HPX: variants seen among roughly 807,000 people sequenced by gnomAD.
HPX encodes beta-1B-glycoprotein.
A neutral mutation model predicts 53.8 loss-of-function variants in HPX; 42 were observed. That is an observed-to-expected ratio of 0.78 (90% CI 0.61 to 1.01). The LOEUF is 1.01. HPX is among the 50% of genes least tolerant of loss of function. The pLI is 0.00. For missense variants in HPX, 547 were observed against 594.3 expected (o/e 0.92, Z 0.83); for synonymous variants, 229 against 221.1 (o/e 1.04, Z -0.32).
At chr11:6,435,358 T>C (rs918478422) in intron 7 of HPX, among the ~76,000 whole-genome samples, 1 of 152,132 alleles carries the variant, frequency 6.6e-6, no homozygotes, top group African/African-American at 2.4e-5. Flanking sequence ...CCCCATGCTG[T>C]AGCTGGGTCA....
In HPX at chr11:6,440,266, G is replaced by T; in HGVS notation, c.235C>A (p.His79Asn). ...FFKGEFVWKS[H>N]KWDRELISER... ...GAGATTAACTCCCGGTCCCATTTGT[G>T]ACTCTTCCACACAAACTCCCCTGAA... Residue 79 changes from histidine (H) to asparagine (N), a missense_variant, in exon 4 of 10, where the codon CAC becomes AAC. Transcript: ENST00000265983. 1 of 1,613,902 alleles carries T rather than the reference G, an allele frequency of 6.2e-7. No individual in the cohort carries two copies. Among genetic ancestry groups the T allele is most frequent in the Non-Finnish European group, 8.5e-7 (1 of 1,180,008 alleles).
chr11:6,440,307 T>G, intron 3 of HPX, 21 bp from the exon 4 acceptor site: 1 of 1,613,494 alleles, frequency 6.2e-7, no homozygotes, highest in Non-Finnish European at 8.5e-7. Context: ...CCACACTCAC[T>G]GAGGGGCCCA....
At chr11:6,432,293 C>T in intron 7 of HPX, 2 of 478,770 alleles carry the variant, frequency 4.2e-6, no homozygotes, top group Non-Finnish European at 7.6e-6. Context: ...ATGGGGTTGG[C>T]GGGCACTCCC....
At position 6,437,610 on chromosome 11, in the gene HPX, T is replaced by C. The variant is rs1439717906; in HGVS notation, c.533A>G (p.Lys178Arg). ...CCCAACAGCTGGCCAGGAACGCTCCTTCATGGTTCCCGTAGCCAAGTCCCA... is the reference window on the plus strand; with the variant it reads ...CCCAACAGCTGGCCAGGAACGCTCCCTCATGGTTCCCGTAGCCAAGTCCCA... ...WFWDLATGTM[K>R]ERSWPAVGNC... The change falls in exon 6 of 10, where the codon AAG (lysine) becomes AGG (arginine). Residue 178 changes from lysine to arginine, a missense_variant. Lys to Arg is a conservative substitution (Grantham distance 26). Transcript: ENST00000265983. 3.1e-6 allele frequency: 5 copies of C among 1,614,070 alleles called. 1 individual carries two copies. The South Asian group carries it at 4.4e-5, about 14-fold the overall frequency.
chr11:6,432,271 A>G (rs1849361126), intron 7 of HPX: 1 of 532,870 alleles, frequency 1.9e-6, no homozygotes, highest in African/African-American at 1.9e-5. Flanking sequence ...GTTTCCAGGT[A>G]AGGCCAACAT....
chr11:6,432,151 G>T, intron 7 of HPX, 134 bp from the exon 8 acceptor site: 1 of 966,366 alleles, frequency 1.0e-6, no homozygotes, highest in Non-Finnish European at 1.6e-6. Context: ...GGCCAGGTGA[G>T]AAGGAGAAAT....
chr11:6,438,458 T>G lies in HPX; in HGVS notation c.388A>C (p.Lys130Gln), dbSNP rs1189869882. The change falls in exon 5 of 10, where the codon AAG becomes CAG. Residue 130 changes from lysine to glutamine, a missense_variant. Transcript: ENST00000265983. The stretch of plus-strand genomic sequence containing the variant: ...CCAGGAAATTCATCTTGGAGCAACT[T>G]TGGGTATCCTTTCTCCTTCTTTTCA... ...PPEKKEKGYP[K>Q]LLQDEFPGIP... The G allele has an allele frequency of 6.2e-7, 1 of 1,614,104 alleles. No individual in the cohort carries two copies. Among genetic ancestry groups the G allele is most frequent in the East Asian group, 2.2e-5 (1 of 44,888 alleles).
intron 5 of HPX, 113 bp from the exon 6 acceptor site, chr11:6,437,765 G>A (rs1590805403): frequency 2.6e-6 from 2 of 761,696 alleles, no homozygotes; most frequent in East Asian, 5.3e-5. Context: ...GGAGCTCACA[G>A]CCATCAGAGA....
intron 7 of HPX, among the ~76,000 whole-genome samples, chr11:6,434,210 C>T (rs1202849466): frequency 6.6e-6 from 1 of 152,206 alleles, no homozygotes; most frequent in African/African-American, 2.4e-5. Context: ...AGTGTTCTTG[C>T]TGCTACCACA....
At chr11:6,440,047 T>A (rs2682099) in intron 4 of HPX, 118 bp downstream of exon 4, 341,082 of 1,333,032 alleles carry the variant, frequency 0.26, 44,857 homozygotes, top group Admixed American at 0.32. Flanking sequence ...GGAGGGCACA[T>A]GGGAAAGAAA....
At chr11:6,438,980 G>T (rs1849452236) in intron 4 of HPX, among the ~76,000 whole-genome samples, 1 of 152,186 alleles carries the variant, frequency 6.6e-6, no homozygotes, top group Non-Finnish European at 1.5e-5. Context: ...AAGCAGAAAG[G>T]ACTCCTGCAA....
chr11:6,432,708 T>C (rs1057020201), intron 7 of HPX, among the ~76,000 whole-genome samples: 1 of 152,210 alleles, frequency 6.6e-6, no homozygotes, highest in African/African-American at 2.4e-5. Flanking sequence ...CTCCTTTAAA[T>C]GTCTTTTTTT....
chr11:6,440,859 T>C (rs1335688083), intron 1 of HPX, 22 bp downstream of exon 1: 2 of 1,611,626 alleles, frequency 1.2e-6, no homozygotes, highest in Admixed American at 3.3e-5. Flanking sequence ...AATCCTTCGC[T>C]TCTAGTCCCA....
rs1284598447 is a variant in HPX, at chr11:6,438,228, C to T, written c.490+128G>A. On this transcript the variant is annotated intron_variant, in intron 5 of 9. Transcript: ENST00000265983. ...GACCTCTAGACCATACGTGGCTTCTCTATTTCCCTTCCTTAAAAAGCCACA... is the reference window on the plus strand; with the variant it reads ...GACCTCTAGACCATACGTGGCTTCTTTATTTCCCTTCCTTAAAAAGCCACA... 5 of 963,658 alleles carry T rather than the reference C, an allele frequency of 5.2e-6. No individual in the cohort carries two copies. The Admixed American group carries it at 1.1e-4, about 21-fold the overall frequency. 59.7% of individuals were successfully genotyped at this position (963,658 alleles called of 1,614,324 possible).
At position 6,440,626 on chromosome 11, in the gene HPX, G is replaced by C. The variant is rs780411861; in HGVS notation, c.142+46C>G. The C allele has an allele frequency of 5.3e-6, 6 of 1,136,872 alleles. No individual in the cohort carries two copies. The Admixed American group carries it at 7.8e-5, about 15-fold the overall frequency. The allele number at this position is 1,136,872 out of a possible 1,614,324, so 70.4% of individuals were successfully genotyped here. A position where few individuals can be genotyped will look rare whatever the true frequency, so the allele number is the denominator to read the frequency against. ...AAACCAGAAGGTGATAAAATGCAGA[G>C]ACACAACCAGACAGATAAGACAGAC... is the stretch of plus-strand genomic sequence containing the variant. On this transcript the variant is annotated intron_variant, in intron 2 of 9. Transcript: ENST00000265983.
At chr11:6,434,569 GAT>G (rs924404202) in intron 7 of HPX, among the ~76,000 whole-genome samples, 3 of 152,058 alleles carry the variant, frequency 2.0e-5, no homozygotes, top group African/African-American at 7.2e-5. Context: ...GGACTCAAGT[GAT>G]CTGCCCCCCT....
rs1849465465 is a variant in HPX at position 6,440,288 on chromosome 11, T to C, written c.215-2A>G. The C allele has an allele frequency of 1.2e-6, 2 of 1,613,606 alleles. No individual in the cohort carries two copies. Among genetic ancestry groups the C allele is most frequent in the African/African-American group, 1.3e-5 (1 of 74,854 alleles). ...TGTGACTCTTCCACACAAACTCCCC[T>C]GAAAAAACCCACACTCACTGAGGGG... is the stretch of plus-strand genomic sequence containing the variant. On this transcript the variant is annotated splice_acceptor_variant, in intron 3 of 9. Transcript: ENST00000265983. LOFTEE classifies it high-confidence loss of function.
chr11:6,432,175 G>T, intron 7 of HPX, 158 bp from the exon 8 acceptor site: 1 of 768,414 alleles, frequency 1.3e-6, no homozygotes, highest in Non-Finnish European at 2.1e-6. Flanking sequence ...GCAAGACTTG[G>T]TCAGCAATGT....
chr11:6,436,091 A>C (rs1849412675), intron 7 of HPX, among the ~76,000 whole-genome samples: 2 of 152,056 alleles, frequency 1.3e-5, no homozygotes, highest in African/African-American at 4.8e-5. Context: ...TTGTATTTTC[A>C]CTACAGGTGT....
Sources: gnomAD v4.1 joint callset for allele counts (sites outside exome capture counted in the v4.1 genomes callset) on GRCh38, gnomAD v4.1.1 for gene constraint, MANE v1.5 for transcripts, NCBI Gene and HGNC (gene_info 2026-07-23, HGNC 2026-07-21) for gene names.